Variants in ARFIP1 observed in about 807,000 individuals in gnomAD.
ARFIP1 encodes the protein ARF interacting protein 1, also known as arfaptin-1.
ARFIP1 carries 24 observed loss-of-function variants against 42.5 expected under a neutral mutation model. That is an observed-to-expected ratio of 0.57 (90% confidence interval 0.41 to 0.80). The LOEUF (loss-of-function observed/expected upper bound fraction) is 0.80, where lower values mean the gene tolerates loss of function less well. Ranked by LOEUF, ARFIP1 falls within the 30% of genes least tolerant of loss-of-function variation. The probability of loss-of-function intolerance (pLI) is 0.00; values close to 1 mark genes in which losing one functional copy is unlikely to be tolerated. For synonymous variants in ARFIP1, 141 were observed against 153.7 expected, an observed-to-expected ratio of 0.92 and a Z score of 0.61; for missense variants, 354 against 434.0, an observed-to-expected ratio of 0.82 and a Z score of 1.64.
At chr4:152,894,720 C>T (rs1052555848) in intron 8 of ARFIP1, among the ~76,000 whole-genome samples, 3 of 152,180 alleles carry the variant, frequency 2.0e-5, no homozygotes, top group Non-Finnish European at 4.4e-5. Context: ...AACACTGTGC[C>T]AAATATTATT....
intron 1 of ARFIP1, among the ~76,000 whole-genome samples, chr4:152,812,771 C>A (rs1269554471): frequency 6.6e-6 from 1 of 152,136 alleles, no homozygotes; most frequent in African/African-American, 2.4e-5. Flanking sequence ...GTTTATCTTT[C>A]TAGTTGCCCA....
chr4:152,904,740 T>C (rs1738160146), intron 8 of ARFIP1, among the ~76,000 whole-genome samples: 1 of 152,214 alleles, frequency 6.6e-6, no homozygotes, highest in Non-Finnish European at 1.5e-5. Context: ...TTCCTTTTTA[T>C]GGCTATATAG....
intron 1 of ARFIP1, among the ~76,000 whole-genome samples, chr4:152,815,870 A>G (rs1028590130): frequency 6.8e-6 from 1 of 147,804 alleles, no homozygotes; most frequent in Non-Finnish European, 1.5e-5. Flanking sequence ...TCAGCCTCCC[A>G]AGTAGCTGGG....
intron 2 of ARFIP1, among the ~76,000 whole-genome samples, chr4:152,834,302 C>G (rs1731477541): frequency 6.6e-6 from 1 of 152,122 alleles, no homozygotes; most frequent in South Asian, 2.1e-4. Context: ...ATCTCTTGTT[C>G]TCACATTTCA....
intron 8 of ARFIP1, among the ~76,000 whole-genome samples, chr4:152,901,819 T>G: frequency 6.6e-6 from 1 of 152,246 alleles, no homozygotes; most frequent in South Asian, 2.1e-4. Context: ...TTCATAGTTT[T>G]AGCAAGAATT....
At chr4:152,858,363 A>G (rs907180222) in intron 2 of ARFIP1, among the ~76,000 whole-genome samples, 2 of 152,022 alleles carry the variant, frequency 1.3e-5, no homozygotes, top group Non-Finnish European at 2.9e-5. Flanking sequence ...CTTCCTTCCT[A>G]TTTTGTTTTT....
At chr4:152,850,333 C>T (rs1732881276) in intron 2 of ARFIP1, among the ~76,000 whole-genome samples, 1 of 152,026 alleles carries the variant, frequency 6.6e-6, no homozygotes, top group African/African-American at 2.4e-5. Flanking sequence ...AAAATGTGCC[C>T]ACCAACATGC....
Position 152,837,595 on chromosome 4 carries a change from C to T in ARFIP1, c.93+7869C>T, listed in dbSNP as rs200560060. Reference sequence around the variant, plus strand: ...TATCTTCTTTTGAGAATTGTCTATTCATATCTTTAACCTACTTTTTGATGG... The same window carrying T: ...TATCTTCTTTTGAGAATTGTCTATTTATATCTTTAACCTACTTTTTGATGG... On this transcript the variant is annotated intron_variant, in intron 2 of 8. Transcript: ENST00000353617. 6.6e-5 allele frequency among the ~76,000 whole-genome samples: 10 copies of T among 152,232 alleles called. No individual in the cohort carries two copies. In the East Asian group the frequency reaches 1.9e-3, roughly 29 times the overall value.
At chr4:152,802,242 C>T (rs1728481056) in intron 1 of ARFIP1, among the ~76,000 whole-genome samples, 1 of 152,126 alleles carries the variant, frequency 6.6e-6, no homozygotes, top group Non-Finnish European at 1.5e-5. Context: ...TCTTGAGATG[C>T]ATAATTAGTC....
At chr4:152,843,719 C>CGGGACCACAG (rs1732298101) in intron 2 of ARFIP1, among the ~76,000 whole-genome samples, 1 of 152,144 alleles carries the variant, frequency 6.6e-6, no homozygotes, top group African/African-American at 2.4e-5. Context: ...AGTCACAGGC[C>CGGGACCACAG]TCACGCAGCT....
intron 8 of ARFIP1, among the ~76,000 whole-genome samples, chr4:152,904,174 GTGTGTGTATA>G (rs1364328211): frequency 4.4e-5 from 2 of 45,244 alleles, no homozygotes; most frequent in Non-Finnish European, 9.7e-5. Flanking sequence ...ATATATGTGT[GTGTGTGTATA>G]TATATATATA....
At position 152,910,207 on chromosome 4, in the gene ARFIP1, TGAAGAACAGTAAAATCACAGCG is replaced by T; in HGVS notation, c.1114_*13del. On this transcript the variant is annotated stop_lost and 3_prime_UTR_variant, in exon 9 of 9. Coordinates refer to ENST00000353617, the MANE Select transcript of ARFIP1 (RefSeq NM_001025595.3). ...CTGGAGTGGATGCCCCATCTTGGCT[TGAAGAACAGTAAAATCACAGCG>T]GAAAATAAAAAGAAAGTCGCGTTGT... 6.2e-7 allele frequency: 1 copy of T among 1,611,960 alleles called. No individual in the cohort carries two copies. The highest frequency in any genetic ancestry group is 8.5e-7 in the Non-Finnish European group (1 of 1,179,368).
intron 5 of ARFIP1, among the ~76,000 whole-genome samples, chr4:152,874,529 C>G (rs1422407516): frequency 1.3e-5 from 2 of 152,178 alleles, no homozygotes; most frequent in African/African-American, 4.8e-5. Flanking sequence ...CTGCATGACT[C>G]TCTGTGTTCT....
chr4:152,904,037 A>C, intron 8 of ARFIP1, among the ~76,000 whole-genome samples: 1 of 152,036 alleles, frequency 6.6e-6, no homozygotes, highest in Non-Finnish European at 1.5e-5. Context: ...TTGGAAGTTA[A>C]AATTCTTTTT....
intron 3 of ARFIP1, among the ~76,000 whole-genome samples, chr4:152,866,897 T>C (rs1734430251): frequency 7.1e-6 from 1 of 140,202 alleles, no homozygotes. Flanking sequence ...TCTCAGATGA[T>C]GGGCGGCCGG....
intron 1 of ARFIP1, among the ~76,000 whole-genome samples, chr4:152,826,876 G>A (rs1730879545): frequency 6.6e-6 from 1 of 152,128 alleles, no homozygotes; most frequent in African/African-American, 2.4e-5. Flanking sequence ...TTTGACACAT[G>A]CTACCACATG....
At chr4:152,804,376 T>C (rs1348971271) in intron 1 of ARFIP1, among the ~76,000 whole-genome samples, 1 of 100,784 alleles carries the variant, frequency 9.9e-6, no homozygotes, top group African/African-American at 4.1e-5. Context: ...TTATATATAA[T>C]ATAACATGTA....
At chr4:152,865,282 G>A (rs1056288090) in intron 3 of ARFIP1, among the ~76,000 whole-genome samples, 10 of 151,836 alleles carry the variant, frequency 6.6e-5, no homozygotes, top group Non-Finnish European at 5.9e-5. Flanking sequence ...GATTACAGGC[G>A]CCTGCCACCA....
chr4:152,866,397 C>T (rs1274465152), intron 3 of ARFIP1, among the ~76,000 whole-genome samples: 4 of 152,314 alleles, frequency 2.6e-5, no homozygotes, highest in African/African-American at 7.2e-5. Flanking sequence ...ACCTCCCAGA[C>T]GGGGTGGTGG....
Sources: gnomAD v4.1 joint callset for allele counts (sites outside exome capture counted in the v4.1 genomes callset) on GRCh38, gnomAD v4.1.1 for gene constraint, MANE v1.5 for transcripts, NCBI Gene and HGNC (gene_info 2026-07-23, HGNC 2026-07-21) for gene names.